Variants in CDH4 observed in about 807,000 individuals in gnomAD.
CDH4 encodes cadherin 4.
In CDH4, 33 loss-of-function variants were observed where a neutral mutation model predicts 86.0. The ratio of observed to expected loss-of-function variants is 0.38; its 90% confidence interval spans 0.29 to 0.51. The LOEUF is 0.51. Among genes scored for constraint, CDH4 ranks in the 20% least tolerant of loss-of-function variants. CDH4 has a pLI of 0.86. For synonymous variants in CDH4, 555 were observed against 549.4 expected (o/e 1.01, Z -0.14); for missense variants, 1,114 against 1,307.4 (o/e 0.85, Z 2.28).
At position 61,714,106 on chromosome 20, in the gene CDH4, G is replaced by A. The variant is rs572092003; in HGVS notation, c.170-29457G>A. Among the ~76,000 whole-genome samples, 334 of 150,200 alleles carry A rather than the reference G, an allele frequency of 2.2e-3. 3 individuals are homozygous for A. The highest frequency in any genetic ancestry group is 8.0e-3 in the African/African-American group (321 of 40,156). ...CTGTCGCCCAGGCTGGAGTGCAGTG[G>A]CGTGATCTTGGCTCACTACAAGCTC... On this transcript the variant is annotated intron_variant, in intron 2 of 15. Coordinates refer to ENST00000614565, the MANE Select transcript of CDH4 (RefSeq NM_001794.5).
chr20:61,549,630 C>T (rs2086112812), intron 2 of CDH4, among the ~76,000 whole-genome samples: 1 of 152,106 alleles, frequency 6.6e-6, no homozygotes. Context: ...TCATCCATTT[C>T]GGGAAAGGAC....
At chr20:61,725,423 C>T (rs984882336) in intron 2 of CDH4, among the ~76,000 whole-genome samples, 7 of 152,158 alleles carry the variant, frequency 4.6e-5, no homozygotes, top group Non-Finnish European at 1.0e-4. Flanking sequence ...CCTGTGGCTT[C>T]GCGCTGCCTG....
chr20:61,428,087 C>A (rs1302371309), intron 2 of CDH4, among the ~76,000 whole-genome samples: 3 of 152,134 alleles, frequency 2.0e-5, no homozygotes, highest in Admixed American at 6.5e-5. Context: ...TAGACAGAGA[C>A]CCCCAGCAGG....
intron 8 of CDH4, among the ~76,000 whole-genome samples, chr20:61,908,392 A>ATCCC (rs2054814787): frequency 6.6e-6 from 1 of 152,104 alleles, no homozygotes; most frequent in African/African-American, 2.4e-5. Flanking sequence ...TGTTCACCTG[A>ATCCC]TGTCTTTGTC....
At chr20:61,547,828 C>A (rs193196388) in intron 2 of CDH4, among the ~76,000 whole-genome samples, 1 of 152,228 alleles carries the variant, frequency 6.6e-6, no homozygotes, top group Non-Finnish European at 1.5e-5. Flanking sequence ...CATGCCTGCA[C>A]ATACACGCAC....
intron 2 of CDH4, among the ~76,000 whole-genome samples, chr20:61,475,715 C>T (rs1248498491): frequency 7.1e-6 from 1 of 140,302 alleles, no homozygotes; most frequent in Non-Finnish European, 1.5e-5. Context: ...ACTGTGGACT[C>T]TGAGACATAG....
chr20:61,313,411 G>A (rs2084458568), intron 2 of CDH4, among the ~76,000 whole-genome samples: 1 of 152,174 alleles, frequency 6.6e-6, no homozygotes, highest in Non-Finnish European at 1.5e-5. Flanking sequence ...TAAAATGAAG[G>A]GCATCTTTCG....
chr20:61,760,642 C>T lies in CDH4; in HGVS notation c.397-12361C>T, dbSNP rs540758266. Reference sequence around the variant, plus strand: ...GTGCACCGACACCATGGCAGCAAGCCATGAGCCTCCCTGCTGAGGCTTTCC... The same window carrying T: ...GTGCACCGACACCATGGCAGCAAGCTATGAGCCTCCCTGCTGAGGCTTTCC... On this transcript the variant is annotated intron_variant, in intron 3 of 15. Transcript: ENST00000614565. Among the ~76,000 whole-genome samples the T allele has an allele frequency of 1.1e-4, 17 of 152,398 alleles. No homozygotes were observed. The South Asian group carries it at 3.3e-3, about 30-fold the overall frequency.
chr20:61,771,398 C>A (rs959220530), intron 3 of CDH4, among the ~76,000 whole-genome samples: 2 of 151,730 alleles, frequency 1.3e-5, no homozygotes, highest in African/African-American at 4.8e-5. Context: ...CCAACACGGG[C>A]GGATTACCGG....
chr20:61,777,693 T>C (rs1392544916), intron 4 of CDH4, among the ~76,000 whole-genome samples: 1 of 138,080 alleles, frequency 7.2e-6, no homozygotes, highest in Admixed American at 7.2e-5. Flanking sequence ...CGCACACACG[T>C]GCATACAAAA....
intron 7 of CDH4, among the ~76,000 whole-genome samples, chr20:61,891,421 G>A (rs922975352): frequency 6.6e-6 from 1 of 152,176 alleles, no homozygotes; most frequent in Non-Finnish European, 1.5e-5. Context: ...CAGGGGGCCT[G>A]AGCCGCCCAC....
chr20:61,910,691 C>T (rs1200221330), intron 9 of CDH4, 84 bp downstream of exon 9: 1 of 1,296,272 alleles, frequency 7.7e-7, no homozygotes, highest in South Asian at 1.3e-5. Context: ...AGGAGTGATA[C>T]TCGGTGTAAA....
intron 7 of CDH4, among the ~76,000 whole-genome samples, chr20:61,889,451 GGA>G (rs1984695350): frequency 1.1e-5 from 1 of 94,714 alleles, no homozygotes; most frequent in Admixed American, 1.2e-4. Context: ...ATGCATGGAT[GGA>G]TGGATGGATG....
intron 2 of CDH4, among the ~76,000 whole-genome samples, chr20:61,427,314 G>A (rs1050134428): frequency 9.2e-5 from 14 of 152,094 alleles, no homozygotes; most frequent in African/African-American, 2.2e-4. Flanking sequence ...CCATTTCTCC[G>A]TGGGCCAAGG....
intron 2 of CDH4, among the ~76,000 whole-genome samples, chr20:61,422,850 G>A (rs567546231): frequency 2.6e-5 from 4 of 152,210 alleles, no homozygotes; most frequent in Non-Finnish European, 4.4e-5. Flanking sequence ...GGGCTCAGCA[G>A]CCTCAGTGCT....
chr20:61,487,218 T>G (rs2085601657), intron 2 of CDH4, among the ~76,000 whole-genome samples: 2 of 152,214 alleles, frequency 1.3e-5, no homozygotes, highest in African/African-American at 2.4e-5. Flanking sequence ...TCCATTGAAT[T>G]GCCTTTGTCT....
chr20:61,540,957 C>G (rs6061630), intron 2 of CDH4, among the ~76,000 whole-genome samples: 7,968 of 152,130 alleles, frequency 0.052, 707 homozygotes, highest in African/African-American at 0.18. Context: ...CCGTGCCATC[C>G]TTGAATTTCT....
chr20:61,768,492 A>G (rs1297170704), intron 3 of CDH4, among the ~76,000 whole-genome samples: 4 of 152,220 alleles, frequency 2.6e-5, no homozygotes, highest in Non-Finnish European at 5.9e-5. Flanking sequence ...CTCAGTCTTC[A>G]TTCACTCCGA....
At chr20:61,450,821 C>T (rs1443233437) in intron 2 of CDH4, among the ~76,000 whole-genome samples, 1 of 150,084 alleles carries the variant, frequency 6.7e-6, no homozygotes, top group East Asian at 2.1e-4. Flanking sequence ...TGCTGTGCTC[C>T]AAGAGTGGAG....
Sources: gnomAD v4.1 joint callset for allele counts (sites outside exome capture counted in the v4.1 genomes callset) on GRCh38, gnomAD v4.1.1 for gene constraint, MANE v1.5 for transcripts, NCBI Gene and HGNC (gene_info 2026-07-23, HGNC 2026-07-21) for gene names.